TMEM70: variants seen among roughly 807,000 people sequenced by gnomAD.
TMEM70 encodes transmembrane protein 70, mitochondrial.
TMEM70 carries 15 observed loss-of-function variants against 20.5 expected under a neutral mutation model. The ratio of observed to expected loss-of-function variants is 0.73; its 90% CI spans 0.49 to 1.13. TMEM70 has a LOEUF of 1.13. Among genes scored for constraint, TMEM70 ranks in the 50% most tolerant of loss-of-function variants. The pLI is 0.00. For missense variants in TMEM70, 344 were observed against 331.7 expected, an observed-to-expected ratio of 1.04 and a Z score of -0.29; for synonymous variants, 141 against 134.2, an observed-to-expected ratio of 1.05 and a Z score of -0.35.
rs376101721 is a variant in TMEM70 at position 73,978,859 on chromosome 8, T to G, written c.314T>G (p.Phe105Cys). ...IYTGNMARAVFGVKCFSYSTS... is the reference protein window; with the variant it reads ...IYTGNMARAVCGVKCFSYSTS... ...ACTGGCAATATGGCCCGAGCAGTGTTTGGTAAGTAATTGGAGGTGGGTGTA... is the reference window on the plus strand; with the variant it reads ...ACTGGCAATATGGCCCGAGCAGTGTGTGGTAAGTAATTGGAGGTGGGTGTA... The change falls in exon 2 of 3, where the codon TTT becomes TGT. Residue 105 changes from phenylalanine (F) to cysteine (C), a missense_variant and splice_region_variant. Coordinates refer to ENST00000312184, the MANE Select transcript of TMEM70 (RefSeq NM_017866.6). The G allele has an allele frequency of 4.3e-6, 7 of 1,614,016 alleles. No individual in the cohort carries two copies. In the African/African-American group the frequency reaches 8.0e-5, roughly 18 times the overall value.
At position 73,982,106 on chromosome 8, in the gene TMEM70, A is replaced by T. The variant is rs1018390655; in HGVS notation, c.*485A>T. The T allele has an allele frequency of 2.1e-6, 1 of 485,260 alleles. No individual in the cohort carries two copies. Among genetic ancestry groups the T allele is most frequent in the Non-Finnish European group, 4.1e-6 (1 of 243,254 alleles). 30.1% of individuals were successfully genotyped at this position (485,260 alleles called of 1,614,324 possible). On this transcript the variant is annotated 3_prime_UTR_variant, in exon 3 of 3. Transcript: ENST00000312184. ...GACCAAGTCTGTCAGGAAGCTGGCT[A>T]GGAAGCCTTGCAGCAGCCATGGCTT...
At chr8:73,978,219 T>A (rs1815700630) in intron 1 of TMEM70, among the ~76,000 whole-genome samples, 1 of 151,750 alleles carries the variant, frequency 6.6e-6, no homozygotes, top group Non-Finnish European at 1.5e-5. Context: ...CCGGAGTAGC[T>A]GGATTACAGG....
chr8:73,980,876 C>A (rs1015279219), intron 2 of TMEM70, among the ~76,000 whole-genome samples: 1 of 152,222 alleles, frequency 6.6e-6, no homozygotes, highest in Non-Finnish European at 1.5e-5. Flanking sequence ...GTAATATTAA[C>A]TACTTTATTG....
Position 73,982,035 on chromosome 8 carries a change from C to T in TMEM70, c.*414C>T, listed in dbSNP as rs531932054. 2.1e-6 allele frequency: 1 copy of T among 465,676 alleles called. No individual in the cohort carries two copies. Among genetic ancestry groups the T allele is most frequent in the Non-Finnish European group, 4.3e-6 (1 of 233,994 alleles). The allele number at this position is 465,676 out of a possible 1,614,324, so 28.8% of individuals were successfully genotyped here. ...GTCATAGGTGGTGCGGAGCTGTGGT[C>T]CACCTGCTCCTGCTCCTGACTCACT... On this transcript the variant is annotated 3_prime_UTR_variant, in exon 3 of 3. Coordinates refer to ENST00000312184, the MANE Select transcript of TMEM70 (RefSeq NM_017866.6).
rs1291059698 is a variant in TMEM70, at chr8:73,981,188, T to G, written c.350T>G (p.Ile117Ser). Residue 117 changes from isoleucine (I) to serine (S), a missense_variant, in exon 3 of 3, where the codon ATT becomes AGT. Coordinates refer to ENST00000312184, the MANE Select transcript of TMEM70 (RefSeq NM_017866.6). ...TGTTTCTCTTATTCTACGAGTCTGATTGGCCTTACATTTCTGCCATACATT... is the reference window on the plus strand; with the variant it reads ...TGTTTCTCTTATTCTACGAGTCTGAGTGGCCTTACATTTCTGCCATACATT... Reference protein sequence around the residue: ...VKCFSYSTSLIGLTFLPYIFT... With the variant: ...VKCFSYSTSLSGLTFLPYIFT... 6.2e-7 allele frequency: 1 copy of G among 1,614,140 alleles called. No individual in the cohort carries two copies. The highest frequency in any genetic ancestry group is 1.7e-5 in the Admixed American group (1 of 60,022).
intron 2 of TMEM70, among the ~76,000 whole-genome samples, chr8:73,980,210 C>T (rs985386515): frequency 6.6e-6 from 1 of 152,054 alleles, no homozygotes; most frequent in Admixed American, 6.5e-5. Flanking sequence ...TGCCTCAGCA[C>T]CCCCAGTAGC....
Position 73,978,751 on chromosome 8 carries a change from A to G in TMEM70, c.211-5A>G. On this transcript the variant is annotated splice_polypyrimidine_tract_variant and splice_region_variant and intron_variant, in intron 1 of 2. Coordinates refer to ENST00000312184, the MANE Select transcript of TMEM70 (RefSeq NM_017866.6). ...AGTTGACCATAATGATCCCTGTTTC[A>G]ATAGATCCCTGTTTATTGGGAAGGA... is the stretch of plus-strand genomic sequence containing the variant. 1 of 1,613,868 alleles carries G rather than the reference A, an allele frequency of 6.2e-7. No individual in the cohort carries two copies. Among genetic ancestry groups the G allele is most frequent in the Non-Finnish European group, 8.5e-7 (1 of 1,179,816 alleles).
chr8:73,979,335 A>T (rs1284815940), intron 2 of TMEM70, among the ~76,000 whole-genome samples: 1 of 152,024 alleles, frequency 6.6e-6, no homozygotes, highest in African/African-American at 2.4e-5. Context: ...GGCCTCTATT[A>T]TGTTTTAATA....
Position 73,981,642 on chromosome 8 carries a change from G to A in TMEM70, c.*21G>A, listed in dbSNP as rs374494665. On this transcript the variant is annotated 3_prime_UTR_variant, in exon 3 of 3. Coordinates refer to ENST00000312184, the MANE Select transcript of TMEM70 (RefSeq NM_017866.6). ...AATGAGCCTATTTGTTAGTGTTCGT[G>A]CTCAAATGTGATTTACGTTTTAATG... The A allele has an allele frequency of 1.8e-3, 2,748 of 1,541,666 alleles. 8 individuals are homozygous for A. Among genetic ancestry groups the A allele is most frequent in the Non-Finnish European group, 2.2e-3 (2,455 of 1,121,914 alleles).
chr8:73,977,862 C>T (rs1055317604), intron 1 of TMEM70, among the ~76,000 whole-genome samples: 1 of 152,128 alleles, frequency 6.6e-6, no homozygotes, highest in African/African-American at 2.4e-5. Context: ...TCGTCATTAA[C>T]AGTGGAGTAG....
At chr8:73,977,564 T>A (rs1815683793) in intron 1 of TMEM70, among the ~76,000 whole-genome samples, 1 of 152,232 alleles carries the variant, frequency 6.6e-6, no homozygotes, top group African/African-American at 2.4e-5. Context: ...AAAGATTTGA[T>A]CTCTTTAATA....
intron 2 of TMEM70, among the ~76,000 whole-genome samples, chr8:73,980,743 A>G (rs1043680409): frequency 2.0e-5 from 3 of 152,254 alleles, no homozygotes; most frequent in African/African-American, 7.2e-5. Context: ...TTAGCCTGAT[A>G]GAATTTCCCA....
rs912932368 is a variant in TMEM70, at chr8:73,976,425, G to C, written c.144G>C (p.Pro48=). 1.3e-6 allele frequency: 2 copies of C among 1,575,528 alleles called. No individual in the cohort carries two copies. Among genetic ancestry groups the C allele is most frequent in the African/African-American group, 2.7e-5 (2 of 74,344 alleles). ...RASSSSGPSG[P]VAGWSTGPSG... ...CCTCCAGCAGCGGGCCTTCGGGGCCGGTAGCCGGCTGGAGTACGGGGCCTT... is the reference window on the plus strand; with the variant it reads ...CCTCCAGCAGCGGGCCTTCGGGGCCCGTAGCCGGCTGGAGTACGGGGCCTT... The change falls in exon 1 of 3, where the codon CCG becomes CCC. Residue 48 remains proline, a synonymous_variant. Transcript: ENST00000312184.
Position 73,976,218 on chromosome 8 carries a change from A to G in TMEM70, c.-64A>G. 6.8e-7 allele frequency: 1 copy of G among 1,465,672 alleles called. No homozygotes were observed. Among genetic ancestry groups the G allele is most frequent in the Non-Finnish European group, 9.3e-7 (1 of 1,072,562 alleles). 90.8% of individuals were successfully genotyped at this position (1,465,672 alleles called of 1,614,324 possible). A position where few individuals can be genotyped will look rare whatever the true frequency, so the allele number is the denominator to read the frequency against. ...CCACTTGTGCGGCAGTCGGGTGGGA[A>G]GCCGTGTCTCGCAGTCGTGGACTCG... On this transcript the variant is annotated 5_prime_UTR_variant, in exon 1 of 3. Transcript: ENST00000312184.
intron 2 of TMEM70, 64 bp from the exon 3 acceptor site, chr8:73,981,090 TG>T: frequency 7.5e-7 from 1 of 1,337,014 alleles, no homozygotes; most frequent in Non-Finnish European, 1.1e-6. Context: ...GAAGAATTAG[TG>T]GGATAGATTG....
chr8:73,980,094 T>C (rs1815754087), intron 2 of TMEM70, among the ~76,000 whole-genome samples: 1 of 152,078 alleles, frequency 6.6e-6, no homozygotes, highest in African/African-American at 2.4e-5. Context: ...TATTTTTTAT[T>C]ATTTATTTAT....
chr8:73,979,134 A>G (rs1461733514), intron 2 of TMEM70: 1 of 531,092 alleles, frequency 1.9e-6, no homozygotes, highest in South Asian at 1.5e-5. Flanking sequence ...CCCATGTTCA[A>G]GCGATTCTCC....
intron 2 of TMEM70, 42 bp downstream of exon 2, chr8:73,978,903 C>G (rs746966557): frequency 1.9e-6 from 3 of 1,607,512 alleles, no homozygotes; most frequent in Non-Finnish European, 1.7e-6. Flanking sequence ...GTTTTTTTCT[C>G]TTTTAATTGT....
chr8:73,980,454 A>G (rs1267849823), intron 2 of TMEM70, among the ~76,000 whole-genome samples: 4 of 150,642 alleles, frequency 2.7e-5, no homozygotes, highest in South Asian at 2.1e-4. Context: ...TGCAGCCTCT[A>G]CCTCCTGGGT....
Sources: allele counts gnomAD v4.1 joint callset (sites outside exome capture counted in the v4.1 genomes callset), GRCh38; gene constraint gnomAD v4.1.1; transcripts MANE v1.5; gene names NCBI Gene and HGNC (gene_info 2026-07-23, HGNC 2026-07-21).